Variants in PLEKHA3 observed in about 807,000 individuals in gnomAD.
PLEKHA3 encodes pleckstrin homology domain containing A3.
PLEKHA3 carries 19 observed loss-of-function variants against 39.2 expected under a neutral mutation model. The ratio of observed to expected loss-of-function variants is 0.48; its 90% CI spans 0.34 to 0.71. The LOEUF is 0.71. PLEKHA3 is among the 30% of genes least tolerant of loss of function. PLEKHA3 has a pLI of 0.01. For missense variants in PLEKHA3, 253 were observed against 359.5 expected, an observed-to-expected ratio of 0.70 and a Z score of 2.40; for synonymous variants, 97 against 118.6, an observed-to-expected ratio of 0.82 and a Z score of 1.18.
At chr2:178,482,243 T>C (rs1685178694) in intron 1 of PLEKHA3, among the ~76,000 whole-genome samples, 1 of 152,102 alleles carries the variant, frequency 6.6e-6, no homozygotes, top group African/African-American at 2.4e-5. Flanking sequence ...TGAGGTATAG[T>C]GTTAACTGTT....
intron 2 of PLEKHA3, among the ~76,000 whole-genome samples, chr2:178,489,451 CTTTTTTT>C (rs71023445): frequency 8.5e-5 from 7 of 82,346 alleles, no homozygotes; most frequent in Admixed American, 3.0e-4. Context: ...TCTTTTCCTT[CTTTTTTT>C]TTTTTTTTTT....
At chr2:178,484,466 T>C (rs955422643) in intron 1 of PLEKHA3, among the ~76,000 whole-genome samples, 4 of 152,172 alleles carry the variant, frequency 2.6e-5, no homozygotes, top group African/African-American at 9.7e-5. Flanking sequence ...ATTTCAAAAG[T>C]GTTACAGATA....
Position 178,480,876 on chromosome 2 carries a change from G to A in PLEKHA3, c.7G>A (p.Gly3Arg). Reference sequence around the variant, plus strand: ...CGGTGTGGGGCTCTGAAGCATGGAGGGGGTGTTGTACAAGTGGACCAACTA... The same window carrying A: ...CGGTGTGGGGCTCTGAAGCATGGAGAGGGTGTTGTACAAGTGGACCAACTA... ME[G>R]VLYKWTNYLT... Residue 3 changes from glycine (G) to arginine (R), a missense_variant, in exon 1 of 8, where the codon GGG becomes AGG. Coordinates refer to ENST00000234453, the MANE Select transcript of PLEKHA3 (RefSeq NM_019091.4). 1 of 1,317,490 alleles carries A rather than the reference G, an allele frequency of 7.6e-7. No individual in the cohort carries two copies. The allele number at this position is 1,317,490 out of a possible 1,614,324, so 81.6% of individuals were successfully genotyped here.
At position 178,490,736 on chromosome 2, in the gene PLEKHA3, G is replaced by A. The variant is rs1202996031; in HGVS notation, c.235G>A (p.Ala79Thr). 9 of 1,613,940 alleles carry A rather than the reference G, an allele frequency of 5.6e-6. No individual in the cohort carries two copies. The highest frequency in any genetic ancestry group is 7.6e-6 in the Non-Finnish European group (9 of 1,179,908). Residue 79 changes from alanine (A) to threonine (T), a missense_variant, in exon 3 of 8, where the codon GCT becomes ACT. Around this residue, in one of 2 missense-constraint regions of PLEKHA3, gnomAD observed 126 missense variants for 222.7 expected, o/e 0.57. Coordinates refer to ENST00000234453, the MANE Select transcript of PLEKHA3 (RefSeq NM_019091.4). ...QHFYMKAVNA[A>T]ERQRWLVALG... Reference sequence around the variant, plus strand: ...TTTCTACATGAAGGCAGTGAATGCAGCTGAAAGACAGAGGTGGCTGGTCGC... The same window carrying A: ...TTTCTACATGAAGGCAGTGAATGCAACTGAAAGACAGAGGTGGCTGGTCGC...
intron 7 of PLEKHA3, among the ~76,000 whole-genome samples, chr2:178,502,812 GCACA>G (rs146414466): frequency 5.3e-5 from 8 of 150,084 alleles, no homozygotes; most frequent in South Asian, 2.1e-4. Flanking sequence ...ACACACGCAC[GCACA>G]CACACACACG....
intron 5 of PLEKHA3, among the ~76,000 whole-genome samples, chr2:178,496,229 C>G (rs117822016): frequency 6.6e-6 from 1 of 152,278 alleles, no homozygotes; most frequent in East Asian, 1.9e-4. Context: ...GTGTTAGTTT[C>G]TTACTTCCTT....
Position 178,512,583 on chromosome 2 carries a change from A to G in PLEKHA3, c.*8696A>G, listed in dbSNP as rs997009516. On this transcript the variant is annotated 3_prime_UTR_variant, in exon 8 of 8. Coordinates refer to ENST00000234453, the MANE Select transcript of PLEKHA3 (RefSeq NM_019091.4). ...CAATTAGGAACAAAGGAGAGAGAAT[A>G]GAATCAGCCATCAGGAGCTATAACC... 2.0e-5 allele frequency: 3 copies of G among 153,308 alleles called. No individual in the cohort carries two copies. The highest frequency in any genetic ancestry group is 4.4e-5 in the Non-Finnish European group (3 of 68,052). 9.5% of individuals were successfully genotyped at this position (153,308 alleles called of 1,614,324 possible).
chr2:178,481,022 C>A, intron 1 of PLEKHA3, 113 bp downstream of exon 1: 1 of 1,004,538 alleles, frequency 1.0e-6, no homozygotes, highest in Non-Finnish European at 1.3e-6. Context: ...AGCGAATTCG[C>A]TCTACTCGAT....
intron 2 of PLEKHA3, among the ~76,000 whole-genome samples, chr2:178,489,782 A>G (rs1685314603): frequency 6.6e-6 from 1 of 151,660 alleles, no homozygotes; most frequent in Non-Finnish European, 1.5e-5. Context: ...CTTTCATCAA[A>G]CCCTTCTTCT....
At chr2:178,490,577 T>C in intron 2 of PLEKHA3, 82 bp from the exon 3 acceptor site, 1 of 1,395,566 alleles carries the variant, frequency 7.2e-7, no homozygotes, top group Non-Finnish European at 9.9e-7. Context: ...AAGCATCTGA[T>C]ACTGTGTGAT....
At chr2:178,485,148 C>T (rs1275418561) in intron 1 of PLEKHA3, among the ~76,000 whole-genome samples, 1 of 152,292 alleles carries the variant, frequency 6.6e-6, no homozygotes, top group Middle Eastern at 3.4e-3. Context: ...CTTGTTCAAC[C>T]TACACATTTT....
In PLEKHA3 at chr2:178,510,311, G is replaced by A. The variant is rs1297197538; in HGVS notation, c.*6424G>A. 1 of 153,728 alleles carries A rather than the reference G, an allele frequency of 6.5e-6. No homozygotes were observed. Among genetic ancestry groups the A allele is most frequent in the African/African-American group, 2.4e-5 (1 of 41,440 alleles). The allele number at this position is 153,728 out of a possible 1,614,324, so 9.5% of individuals were successfully genotyped here. A position where few individuals can be genotyped will look rare whatever the true frequency, so the allele number is the denominator to read the frequency against. On this transcript the variant is annotated 3_prime_UTR_variant, in exon 8 of 8. Transcript: ENST00000234453. ...TTAAAAAGAGTATAACAATTTTGAT[G>A]TGCTTTTAAGCTTTATTGGTATTAT...
Position 178,509,324 on chromosome 2 carries a change from A to G in PLEKHA3, c.*5437A>G, listed in dbSNP as rs1685648050. The G allele has an allele frequency of 1.3e-5, 2 of 152,164 alleles. No individual in the cohort carries two copies. The highest frequency in any genetic ancestry group is 2.1e-4 in the South Asian group (1 of 4,826). 9.4% of individuals were successfully genotyped at this position (152,164 alleles called of 1,614,324 possible). On this transcript the variant is annotated 3_prime_UTR_variant, in exon 8 of 8. Coordinates refer to ENST00000234453, the MANE Select transcript of PLEKHA3 (RefSeq NM_019091.4). The stretch of plus-strand genomic sequence containing the variant: ...AATTCATTCTAGTGATTTTTAATTC[A>G]TATGGTTTTACTGTACTACCTACCT...
At chr2:178,495,780 C>A in intron 5 of PLEKHA3, 120 bp downstream of exon 5, 1 of 1,110,358 alleles carries the variant, frequency 9.0e-7, no homozygotes, top group Non-Finnish European at 1.3e-6. Flanking sequence ...GAACAGCTAA[C>A]AAGTTGAATT....
In PLEKHA3 at chr2:178,487,904, G is replaced by T. The variant is rs565167008; in HGVS notation, c.157+2147G>T. On this transcript the variant is annotated intron_variant, in intron 2 of 7. Transcript: ENST00000234453. ...CGGAATATTTCTGGTGTTTGTAGTGGTATCTCATGGTGGTTTTTTACTTGC... is the reference window on the plus strand; with the variant it reads ...CGGAATATTTCTGGTGTTTGTAGTGTTATCTCATGGTGGTTTTTTACTTGC... Among the ~76,000 whole-genome samples the T allele has an allele frequency of 2.2e-4, 34 of 152,234 alleles. No individual in the cohort carries two copies. The South Asian group carries it at 6.6e-3, about 30-fold the overall frequency.
intron 2 of PLEKHA3, 33 bp from the exon 3 acceptor site, chr2:178,490,626 A>G (rs775912490): frequency 1.3e-5 from 20 of 1,595,730 alleles, no homozygotes; most frequent in Admixed American, 1.7e-5. Flanking sequence ...ACTTAAGTCT[A>G]TAACTGTATT....
In PLEKHA3 at chr2:178,495,788, A is replaced by AT. The variant is rs1211502608; in HGVS notation, c.615+135dup. On this transcript the variant is annotated intron_variant, in intron 5 of 7. Coordinates refer to ENST00000234453, the MANE Select transcript of PLEKHA3 (RefSeq NM_019091.4). ...GGGCGGGGAACAGCTAACAAGTTGA[A>AT]TTTTTTTGTTTGTACTGTTTCATAT... 7 of 1,036,896 alleles carry AT rather than the reference A, an allele frequency of 6.8e-6. 1 individual carries two copies. The highest frequency in any genetic ancestry group is 5.0e-5 in the Admixed American group (2 of 40,264). The allele number at this position is 1,036,896 out of a possible 1,614,324, so 64.2% of individuals were successfully genotyped here.
At chr2:178,495,831 T>C (rs902037838) in intron 5 of PLEKHA3, among the ~76,000 whole-genome samples, 171 bp downstream of exon 5, 2 of 152,224 alleles carry the variant, frequency 1.3e-5, no homozygotes, top group Non-Finnish European at 2.9e-5. Context: ...TCTTAGCTGA[T>C]GAGCTGAGCA....
chr2:178,511,634 G>A lies in PLEKHA3; in HGVS notation c.*7747G>A, dbSNP rs537366753. 2.6e-5 allele frequency: 4 copies of A among 152,274 alleles called. No homozygotes were observed. Among genetic ancestry groups the A allele is most frequent in the Admixed American group, 2.6e-4 (4 of 15,286 alleles). 9.4% of individuals were successfully genotyped at this position (152,274 alleles called of 1,614,324 possible). ...GATCCGCCTGCCTCAGCCTTTGAAA[G>A]TGCTGGGATTACAGGCGGGAGCCAC... On this transcript the variant is annotated 3_prime_UTR_variant, in exon 8 of 8. Transcript: ENST00000234453.
Sources: allele counts gnomAD v4.1 joint callset (sites outside exome capture counted in the v4.1 genomes callset), GRCh38; gene constraint gnomAD v4.1.1; regional missense constraint gnomAD v4.1.1; transcripts MANE v1.5; gene names NCBI Gene and HGNC (gene_info 2026-07-23, HGNC 2026-07-21).